Variants in CYTH2 observed in about 807,000 individuals in gnomAD.
CYTH2 encodes the protein cytohesin 2, also known as cytohesin-2.
In CYTH2, 24 loss-of-function variants were observed where a neutral mutation model predicts 55.4. That is an observed-to-expected ratio of 0.43 (90% confidence interval 0.31 to 0.61). The LOEUF (loss-of-function observed/expected upper bound fraction) is 0.61, where lower values mean the gene tolerates loss of function less well. Ranked by LOEUF, CYTH2 falls within the 20% of genes least tolerant of loss-of-function variation. CYTH2 has a pLI of 0.08. For missense variants in CYTH2, 378 were observed against 533.5 expected, an observed-to-expected ratio of 0.71 and a Z score of 2.87; for synonymous variants, 221 against 209.6, an observed-to-expected ratio of 1.05 and a Z score of -0.47.
rs771349770 is a variant in CYTH2 at position 48,478,486 on chromosome 19, G to T, written c.1006G>T (p.Ala336Ser). 6 of 1,614,140 alleles carry T rather than the reference G, an allele frequency of 3.7e-6. No individual in the cohort carries two copies. The South Asian group carries it at 4.4e-5, about 12-fold the overall frequency. The part of the protein sequence containing the change: ...IPNNKGQLIK[A>S]CKTEADGRVV... ...CAACAACAAGGGGCAGCTCATCAAA[G>T]CCTGCAAAACTGAGGCGGACGGCCG... The change falls in exon 11 of 12, where the codon GCC becomes TCC. Residue 336 changes from alanine (A) to serine (S), a missense_variant. Ala to Ser is a moderately conservative substitution (Grantham distance 99). Transcript: ENST00000452733.
chr19:48,477,662 C>T, intron 8 of CYTH2: 1 of 203,248 alleles, frequency 4.9e-6, no homozygotes, highest in Non-Finnish European at 1.0e-5. Flanking sequence ...CTCCATTCTC[C>T]CGCCTTCCCT....
At position 48,481,497 on chromosome 19, in the gene CYTH2, T is replaced by G. The variant is rs1972044010; in HGVS notation, c.*2287T>G. The G allele has an allele frequency of 5.4e-6, 1 of 186,374 alleles. No individual in the cohort carries two copies. The highest frequency in any genetic ancestry group is 2.4e-5 in the African/African-American group (1 of 41,336). The allele number at this position is 186,374 out of a possible 1,614,324, so 11.5% of individuals were successfully genotyped here. A position where few individuals can be genotyped will look rare whatever the true frequency, so the allele number is the denominator to read the frequency against. On this transcript the variant is annotated 3_prime_UTR_variant, in exon 12 of 12. Coordinates refer to ENST00000452733, the MANE Select transcript of CYTH2 (RefSeq NM_004228.7). ...CTTCTGATTTTTTTTGTAGGTTTTT[T>G]TTTTTGTTTTTTGTTTTGTTTTGTT...
chr19:48,472,471 G>A lies in CYTH2; in HGVS notation c.353+28G>A, dbSNP rs759240420. 3 of 1,585,254 alleles carry A rather than the reference G, an allele frequency of 1.9e-6. No homozygotes were observed. The South Asian group carries it at 3.4e-5, about 18-fold the overall frequency. ...ACGGTCACCACTCAGCTCCTGTGGGGCCCCTCCCTCCCACCCCCCAGACCC... is the reference window on the plus strand; with the variant it reads ...ACGGTCACCACTCAGCTCCTGTGGGACCCCTCCCTCCCACCCCCCAGACCC... On this transcript the variant is annotated intron_variant, in intron 4 of 11. Coordinates refer to ENST00000452733, the MANE Select transcript of CYTH2 (RefSeq NM_004228.7).
At position 48,473,336 on chromosome 19, in the gene CYTH2, A is replaced by G. The variant is rs1348712323; in HGVS notation, c.392A>G (p.Asp131Gly). ...CTGGCAGTGCTCCATGCTTTTGTGG[A>G]TCTGCATGAGTTCACCGACCTCAAT... is the stretch of plus-strand genomic sequence containing the variant. ...LNLAVLHAFV[D>G]LHEFTDLNLV... Residue 131 changes from aspartate to glycine, a missense_variant, in exon 5 of 12, where the codon GAT becomes GGT. Physicochemically the swap from Asp to Gly is moderately conservative, Grantham distance 94. Coordinates refer to ENST00000452733, the MANE Select transcript of CYTH2 (RefSeq NM_004228.7). The G allele has an allele frequency of 6.2e-7, 1 of 1,614,122 alleles. No individual in the cohort carries two copies. Among genetic ancestry groups the G allele is most frequent in the Non-Finnish European group, 8.5e-7 (1 of 1,179,998 alleles).
rs752010196 is a variant in CYTH2, at chr19:48,479,262, C to T, written c.*52C>T. Reference sequence around the variant, plus strand: ...TTACGGAGCTGCCCCGCCTGGGTGGCCGGACCCCTGGGCCTTGGGGCTGTG... The same window carrying T: ...TTACGGAGCTGCCCCGCCTGGGTGGTCGGACCCCTGGGCCTTGGGGCTGTG... On this transcript the variant is annotated 3_prime_UTR_variant, in exon 12 of 12. Transcript: ENST00000452733. 18 of 1,599,940 alleles carry T rather than the reference C, an allele frequency of 1.1e-5. No homozygotes were observed.
chr19:48,469,981 C>A (rs1031483216), intron 1 of CYTH2: 3 of 555,516 alleles, frequency 5.4e-6, no homozygotes, highest in Admixed American at 4.5e-5. Flanking sequence ...GTCCGGATAA[C>A]CAGGTCCCCA....
Position 48,480,192 on chromosome 19 carries a change from G to C in CYTH2, c.*982G>C, listed in dbSNP as rs1186821746. On this transcript the variant is annotated 3_prime_UTR_variant, in exon 12 of 12. Transcript: ENST00000452733. ...TGGTGTCCCCAAAGAACAAGGGCTC[G>C]TGGATCCCGAGCAGGGTGCGATGGC... 1 of 152,214 alleles carries C rather than the reference G, an allele frequency of 6.6e-6. No homozygotes were observed. Among genetic ancestry groups the C allele is most frequent in the African/African-American group, 2.4e-5 (1 of 41,450 alleles). The allele number at this position is 152,214 out of a possible 1,614,324, so 9.4% of individuals were successfully genotyped here. A position where few individuals can be genotyped will look rare whatever the true frequency, so the allele number is the denominator to read the frequency against.
rs895557450 is a variant in CYTH2, at chr19:48,474,130, G to T, written c.548-52G>T. 1 of 1,555,496 alleles carries T rather than the reference G, an allele frequency of 6.4e-7. No homozygotes were observed. The highest frequency in any genetic ancestry group is 8.7e-7 in the Non-Finnish European group (1 of 1,149,482). On this transcript the variant is annotated intron_variant, in intron 6 of 11. Coordinates refer to ENST00000452733, the MANE Select transcript of CYTH2 (RefSeq NM_004228.7). The surrounding 1 kb of genome is among the most constrained non-coding windows in gnomAD (Gnocchi z 4.9). ...GAATCCTGGGTCCTGGGGAATGGGG[G>T]CACTGGGGACTGACATGCCTGGGTC...
chr19:48,481,159 T>TGGC lies in CYTH2; in HGVS notation c.*1951_*1953dup, dbSNP rs1370107640. ...TGAGAGGAAGCTGTGCGGTGCAGGA[T>TGGC]GGCGTGGCTGTGGAGGTGGAGAACG... On this transcript the variant is annotated 3_prime_UTR_variant, in exon 12 of 12. Transcript: ENST00000452733. 2 of 152,994 alleles carry TGGC rather than the reference T, an allele frequency of 1.3e-5. No individual in the cohort carries two copies. Among genetic ancestry groups the TGGC allele is most frequent in the African/African-American group, 4.8e-5 (2 of 41,428 alleles). 9.5% of individuals were successfully genotyped at this position (152,994 alleles called of 1,614,324 possible).
chr19:48,473,668 A>G, intron 5 of CYTH2: 1 of 596,188 alleles, frequency 1.7e-6, no homozygotes, highest in Non-Finnish European at 3.0e-6. Context: ...AACAAGCCTC[A>G]ACCAACCCCC....
intron 8 of CYTH2, chr19:48,476,081 C>T: frequency 2.0e-6 from 1 of 509,604 alleles, no homozygotes; most frequent in Non-Finnish European, 3.9e-6. Context: ...CCATGTGGAA[C>T]TGTGCTCTTA....
At chr19:48,470,058 A>T in intron 1 of CYTH2, 1 of 630,938 alleles carries the variant, frequency 1.6e-6, no homozygotes, top group Non-Finnish European at 3.0e-6. Context: ...TGGACCTAGA[A>T]GCCGAGGCCC....
chr19:48,478,824 C>T (rs1382287334), intron 11 of CYTH2, among the ~76,000 whole-genome samples: 3 of 144,348 alleles, frequency 2.1e-5, no homozygotes, highest in Admixed American at 6.9e-5. Context: ...GCCTGGACCC[C>T]TGGGTCTGAC....
intron 11 of CYTH2, among the ~76,000 whole-genome samples, chr19:48,478,842 G>A (rs1971990430): frequency 6.7e-6 from 1 of 149,334 alleles, no homozygotes; most frequent in Non-Finnish European, 1.5e-5. Context: ...GACGGAGGAG[G>A]GGCCGGGGGC....
chr19:48,479,734 G>C lies in CYTH2; in HGVS notation c.*524G>C, dbSNP rs1972013411. 1 of 157,616 alleles carries C rather than the reference G, an allele frequency of 6.3e-6. No homozygotes were observed. Among genetic ancestry groups the C allele is most frequent in the African/African-American group, 2.4e-5 (1 of 41,514 alleles). 9.8% of individuals were successfully genotyped at this position (157,616 alleles called of 1,614,324 possible). A position where few individuals can be genotyped will look rare whatever the true frequency, so the allele number is the denominator to read the frequency against. On this transcript the variant is annotated 3_prime_UTR_variant, in exon 12 of 12. Coordinates refer to ENST00000452733, the MANE Select transcript of CYTH2 (RefSeq NM_004228.7). ...TGCTTTCATGGGGCTTGAGGTCTTTGAGGGGCAGGAGATGAAGCTGGTGAG... is the reference window on the plus strand; with the variant it reads ...TGCTTTCATGGGGCTTGAGGTCTTTCAGGGGCAGGAGATGAAGCTGGTGAG...
In CYTH2 at chr19:48,472,416, C is replaced by T. The variant is rs1971818868; in HGVS notation, c.326C>T (p.Thr109Ile). 6.2e-7 allele frequency: 1 copy of T among 1,613,648 alleles called. No homozygotes were observed. Among genetic ancestry groups the T allele is most frequent in the African/African-American group, 1.3e-5 (1 of 74,902 alleles). ...TACAAGGGCGAGGGGCTGAACAAGA[C>T]AGCCATCGGGGACTACCTGGGGGAG... ...FLYKGEGLNK[T>I]AIGDYLGERE... Residue 109 changes from threonine to isoleucine, a missense_variant, in exon 4 of 12, where the codon ACA becomes ATA. Transcript: ENST00000452733.
intron 9 of CYTH2, 65 bp downstream of exon 9, chr19:48,478,210 G>A (rs375983065): frequency 2.0e-5 from 33 of 1,612,568 alleles, no homozygotes; most frequent in Non-Finnish European, 2.4e-5. Flanking sequence ...GGACTCCTGG[G>A]GCTGAGGGAG....
chr19:48,479,046 C>T (rs1347917729), intron 11 of CYTH2, 77 bp from the exon 12 acceptor site: 1 of 1,460,774 alleles, frequency 6.8e-7, no homozygotes, highest in East Asian at 2.3e-5. Flanking sequence ...GTCTGAGACT[C>T]CTCCTGGGTA....
chr19:48,473,712 A>C, intron 5 of CYTH2, 193 bp from the exon 6 acceptor site: 1 of 606,226 alleles, frequency 1.6e-6, no homozygotes, highest in East Asian at 2.8e-5. Flanking sequence ...GAAAGAGGCT[A>C]TTTCTGTAGG....
Sources: gnomAD v4.1 joint callset for allele counts (sites outside exome capture counted in the v4.1 genomes callset) on GRCh38, gnomAD v4.1.1 for gene constraint, Gnocchi (gnomAD v3.1) non-coding constraint, MANE v1.5 for transcripts, NCBI Gene and HGNC (gene_info 2026-07-23, HGNC 2026-07-21) for gene names.